BPIFB3: variants seen among roughly 807,000 people sequenced by gnomAD.
BPIFB3 encodes the protein BPI fold-containing family B member 3.
A neutral mutation model predicts 53.1 loss-of-function variants in BPIFB3; 49 were observed. The ratio of observed to expected loss-of-function variants is 0.92; its 90% CI spans 0.73 to 1.17. BPIFB3 has a LOEUF of 1.17. BPIFB3 is among the 50% of genes most tolerant of loss of function. The pLI is 0.00. For missense variants in BPIFB3, 628 were observed against 592.5 expected, an observed-to-expected ratio of 1.06 and a Z score of -0.62; for synonymous variants, 271 against 269.6, an observed-to-expected ratio of 1.01 and a Z score of -0.05.
chr20:33,065,274 A>G (rs1279188371), intron 8 of BPIFB3, among the ~76,000 whole-genome samples: 1 of 152,210 alleles, frequency 6.6e-6, no homozygotes, highest in Non-Finnish European at 1.5e-5. Context: ...AGGGTGGCTC[A>G]TGCCTGTAAT....
intron 8 of BPIFB3, 96 bp from the exon 10 acceptor site, chr20:33,066,727 TA>T: frequency 8.7e-7 from 1 of 1,146,872 alleles, no homozygotes; most frequent in Non-Finnish European, 1.3e-6. Context: ...ATTGGCAGGG[TA>T]GGGGGAAGAG....
Position 33,066,886 on chromosome 20 carries a change from C to T in BPIFB3, c.978+9C>T, listed in dbSNP as rs746898310. The T allele has an allele frequency of 1.5e-5, 25 of 1,613,418 alleles. No homozygotes were observed. The highest frequency in any genetic ancestry group is 3.3e-5 in the Admixed American group (2 of 60,000). The stretch of plus-strand genomic sequence containing the variant: ...CAGCTTTGCTCCCTGAGGTGAGTGA[C>T]GCTCTCATGGGTTTTGATCATTGTA... On this transcript the variant is annotated intron_variant, in intron 9 of 14. Transcript: ENST00000375494.
chr20:33,069,559 C>T (rs966654388), intron 10 of BPIFB3, among the ~76,000 whole-genome samples: 5 of 152,162 alleles, frequency 3.3e-5, no homozygotes, highest in Non-Finnish European at 4.4e-5. Context: ...CTTCCACTAA[C>T]TCCTCATCTT....
intron 9 of BPIFB3, among the ~76,000 whole-genome samples, chr20:33,067,457 G>T (rs1215214368): frequency 1.3e-5 from 2 of 152,204 alleles, no homozygotes; most frequent in Non-Finnish European, 2.9e-5. Context: ...GAGGCCTAGG[G>T]GCCTGGGCTC....
At chr20:33,073,436 A>T in intron 14 of BPIFB3, 140 bp from the exon 16 acceptor site, 4 of 807,624 alleles carry the variant, frequency 5.0e-6, no homozygotes, top group Admixed American at 2.6e-5. Context: ...TCATTTTTTC[A>T]TCATTCATTT....
At chr20:33,064,496 C>T (rs901450747) in exon 7 of BPIFB3, 2 of 1,614,032 alleles carry the variant, frequency 1.2e-6, no homozygotes, top group African/African-American at 2.7e-5. Flanking sequence ...GTGGAATTCT[C>T]TCTGGCCACA....
At chr20:33,065,740 A>T (rs1442623824) in intron 8 of BPIFB3, among the ~76,000 whole-genome samples, 2 of 152,082 alleles carry the variant, frequency 1.3e-5, no homozygotes, top group Admixed American at 1.3e-4. Context: ...GAAAGCCCAG[A>T]CCCCAGAAGC....
intron 4 of BPIFB3, among the ~76,000 whole-genome samples, 196 bp from the exon 6 acceptor site, chr20:33,061,572 G>A (rs928303399): frequency 2.0e-5 from 3 of 152,128 alleles, no homozygotes; most frequent in Non-Finnish European, 4.4e-5. Flanking sequence ...GTACAGTTGG[G>A]GAAAATGAAG....
intron 9 of BPIFB3, among the ~76,000 whole-genome samples, 179 bp downstream of exon 10, chr20:33,067,056 A>G (rs1388986150): frequency 6.6e-6 from 1 of 152,254 alleles, no homozygotes; most frequent in Non-Finnish European, 1.5e-5. Context: ...GATTTTGCTT[A>G]GAGAGTAAAG....
rs144120144 is a variant in BPIFB3 at position 33,064,160 on chromosome 20, G to A, written c.653-297G>A. 1.6e-3 allele frequency among the ~76,000 whole-genome samples: 243 copies of A among 152,330 alleles called. 2 individuals carry two copies. The highest frequency in any genetic ancestry group is 1.4e-3 in the Non-Finnish European group (93 of 68,022). On this transcript the variant is annotated intron_variant, in intron 6 of 14. Transcript: ENST00000375494. The stretch of plus-strand genomic sequence containing the variant: ...GAAAAGAATAGAAAACTTGGGGCCG[G>A]TATGTCTCTATGGGTGGTGTTATGT...
chr20:33,058,114 G>A (rs1980295185), intron 2 of BPIFB3, among the ~76,000 whole-genome samples: 1 of 152,206 alleles, frequency 6.6e-6, no homozygotes, highest in Non-Finnish European at 1.5e-5. Context: ...AAGTCCAGTG[G>A]AAACCAGTCT....
At chr20:33,066,685 A>G in intron 8 of BPIFB3, 139 bp from the exon 10 acceptor site, 1 of 783,630 alleles carries the variant, frequency 1.3e-6, no homozygotes, top group South Asian at 1.6e-5. Flanking sequence ...TGATAGAACA[A>G]ACTTGAGTGT....
exon 10 of BPIFB3, chr20:33,068,841 G>A (rs1388218786): frequency 6.2e-7 from 1 of 1,614,010 alleles, no homozygotes; most frequent in South Asian, 1.1e-5. Flanking sequence ...AACTCCTACT[G>A]TTCCTGCGGG....
rs202070451 is a variant in BPIFB3, at chr20:33,069,871, C to T, written c.1150-17C>T. The T allele has an allele frequency of 7.7e-5, 125 of 1,614,204 alleles. 1 individual carries two copies. The highest frequency in any genetic ancestry group is 5.0e-4 in the Middle Eastern group (3 of 6,040). Reference sequence around the variant, plus strand: ...TCTGCCGATTGGGGGTGACTTCTGCCTGCTTTGCCCATGCAGGTCATGACT... The same window carrying T: ...TCTGCCGATTGGGGGTGACTTCTGCTTGCTTTGCCCATGCAGGTCATGACT... On this transcript the variant is annotated splice_polypyrimidine_tract_variant and intron_variant, in intron 10 of 14. Transcript: ENST00000375494.
intron 9 of BPIFB3, among the ~76,000 whole-genome samples, 171 bp from the exon 11 acceptor site, chr20:33,068,632 A>G (rs1009405319): frequency 6.6e-6 from 1 of 152,172 alleles, no homozygotes; most frequent in African/African-American, 2.4e-5. Context: ...CGGTGTCTCC[A>G]CACCTGAGTG....
intron 2 of BPIFB3, among the ~76,000 whole-genome samples, chr20:33,056,954 C>T (rs1316637599): frequency 6.6e-6 from 1 of 152,202 alleles, no homozygotes; most frequent in Non-Finnish European, 1.5e-5. Flanking sequence ...TGCTTAGTCT[C>T]TCTGGGCTAA....
intron 9 of BPIFB3, among the ~76,000 whole-genome samples, chr20:33,068,139 CA>C (rs1980741051): frequency 6.6e-6 from 1 of 152,192 alleles, no homozygotes; most frequent in Non-Finnish European, 1.5e-5. Flanking sequence ...GCACAAAGGG[CA>C]AAAGGTGAAA....
Position 33,072,094 on chromosome 20 carries a change from T to G in BPIFB3, c.1261-10T>G. 6.2e-7 allele frequency: 1 copy of G among 1,614,044 alleles called. No individual in the cohort carries two copies. Among genetic ancestry groups the G allele is most frequent in the Non-Finnish European group, 8.5e-7 (1 of 1,179,920 alleles). ...GCACCACCCCCACCACCCTGTGTGT[T>G]CTGTTGCAGGGATCGCGTTTAGAAG... On this transcript the variant is annotated splice_polypyrimidine_tract_variant and intron_variant, in intron 12 of 14. Transcript: ENST00000375494.
chr20:33,057,440 C>T (rs1480058834), intron 2 of BPIFB3, among the ~76,000 whole-genome samples: 2 of 54,724 alleles, frequency 3.7e-5, no homozygotes, highest in African/African-American at 1.1e-4. Context: ...CTGCCTGCCT[C>T]GGCCTCCCGA....
Sources: allele counts gnomAD v4.1 joint callset (sites outside exome capture counted in the v4.1 genomes callset), GRCh38; gene constraint gnomAD v4.1.1; transcripts MANE v1.5; gene names NCBI Gene and HGNC (gene_info 2026-07-23, HGNC 2026-07-21).